The following PTPRD variants were observed in gnomAD, a reference collection of about 807,000 sequenced individuals.
PTPRD encodes the protein protein tyrosine phosphatase receptor type D, also known as receptor-type tyrosine-protein phosphatase delta.
A neutral mutation model predicts 214.5 loss-of-function variants in PTPRD; 34 were observed. The ratio of observed to expected loss-of-function variants is 0.16; its 90% CI spans 0.12 to 0.21. The LOEUF (loss-of-function observed/expected upper bound fraction) is 0.21, where lower values mean the gene tolerates loss of function less well. Among genes scored for constraint, PTPRD ranks in the 10% least tolerant of loss-of-function variants. The pLI, the probability that PTPRD is intolerant of heterozygous loss-of-function variation, is 1.00. For synonymous variants in PTPRD, 1,128 were observed against 845.7 expected, an observed-to-expected ratio of 1.33 and a Z score of -5.79; for missense variants, 2,545 against 2,398.7, an observed-to-expected ratio of 1.06 and a Z score of -1.27.
chr9:8,555,870 G>T (rs547391474), intron 14 of PTPRD, among the ~76,000 whole-genome samples: 2 of 152,292 alleles, frequency 1.3e-5, no homozygotes, highest in South Asian at 2.1e-4. Context: ...CTGGACCACG[G>T]GTCAAGGTCC....
At chr9:9,928,450 G>C (rs749398484) in intron 5 of PTPRD, among the ~76,000 whole-genome samples, 10 of 152,102 alleles carry the variant, frequency 6.6e-5, no homozygotes, top group Non-Finnish European at 8.8e-5. Context: ...ATGCTGATTT[G>C]ATGGGCAGGC....
intron 7 of PTPRD, among the ~76,000 whole-genome samples, chr9:9,624,713 C>T (rs778365540): frequency 2.6e-5 from 4 of 151,776 alleles, no homozygotes; most frequent in Admixed American, 6.6e-5. Context: ...TCAGTGGGAT[C>T]GATTTAATAT....
At position 9,546,354 on chromosome 9, in the gene PTPRD, CTT is replaced by C. The variant is rs1368519186; in HGVS notation, c.-237+28376_-237+28377del. On this transcript the variant is annotated intron_variant, in intron 8 of 45. Coordinates refer to ENST00000381196, the MANE Select transcript of PTPRD (RefSeq NM_002839.4). ...TCTTGTCTTATTGCATAAGCTAGAA[CTT>C]ATGCAATTTTTATAGCAAAATTAAA... Among the ~76,000 whole-genome samples the C allele has an allele frequency of 2.0e-5, 3 of 151,636 alleles. No individual in the cohort carries two copies. The East Asian group carries it at 5.8e-4, about 29-fold the overall frequency.
intron 10 of PTPRD, among the ~76,000 whole-genome samples, chr9:9,156,964 C>CA (rs2099881741): frequency 6.6e-6 from 1 of 152,210 alleles, no homozygotes; most frequent in African/African-American, 2.4e-5. Flanking sequence ...TCCACACTCT[C>CA]ATTCTCTGCT....
intron 11 of PTPRD, among the ~76,000 whole-genome samples, chr9:8,753,246 A>G (rs895283348): frequency 6.6e-6 from 1 of 152,224 alleles, no homozygotes; most frequent in Non-Finnish European, 1.5e-5. Flanking sequence ...GTCCTTAACC[A>G]CTGGCTAAAA....
Position 10,158,624 on chromosome 9 carries a change from G to A in PTPRD, c.-544-124834C>T, listed in dbSNP as rs529508895. Among the ~76,000 whole-genome samples the A allele has an allele frequency of 5.2e-4, 79 of 152,192 alleles. No homozygotes were observed. In the South Asian group the frequency reaches 0.016, roughly 32 times the overall value. On this transcript the variant is annotated intron_variant, in intron 3 of 45. Transcript: ENST00000381196. ...AAAACCAGGGAGGAAACAGTTCCCT[G>A]GGCTGCAGATAAATAGAAGCATTCT...
chr9:10,170,704 A>C (rs761767036), intron 3 of PTPRD, among the ~76,000 whole-genome samples: 19 of 152,282 alleles, frequency 1.2e-4, no homozygotes, highest in African/African-American at 3.4e-4. Flanking sequence ...ACAAAAAGGA[A>C]TCATTTTCTA....
intron 36 of PTPRD, among the ~76,000 whole-genome samples, chr9:8,393,682 T>C (rs974105865): frequency 2.0e-5 from 3 of 152,110 alleles, no homozygotes; most frequent in Admixed American, 2.0e-4. Context: ...TTCTCATGCA[T>C]TGTTTCATGT....
chr9:8,673,859 G>A (rs933803985), intron 12 of PTPRD, among the ~76,000 whole-genome samples: 3 of 152,048 alleles, frequency 2.0e-5, no homozygotes, highest in Non-Finnish European at 2.9e-5. Flanking sequence ...TGACATTGGG[G>A]CTGTCCTGTG....
At chr9:9,686,599 T>C (rs1454325160) in intron 7 of PTPRD, among the ~76,000 whole-genome samples, 1 of 151,688 alleles carries the variant, frequency 6.6e-6, no homozygotes, top group Non-Finnish European at 1.5e-5. Flanking sequence ...AGAGACTTTT[T>C]ACATTTCTAC....
At chr9:10,222,374 A>C (rs1246773756) in intron 3 of PTPRD, among the ~76,000 whole-genome samples, 1 of 152,088 alleles carries the variant, frequency 6.6e-6, no homozygotes, top group Non-Finnish European at 1.5e-5. Flanking sequence ...CACTGTTTCT[A>C]AAACAAAAAC....
intron 8 of PTPRD, among the ~76,000 whole-genome samples, chr9:9,543,638 A>C (rs2078104597): frequency 6.6e-6 from 1 of 151,546 alleles, no homozygotes; most frequent in African/African-American, 2.4e-5. Context: ...CTCAGAGCCC[A>C]TTTTATGTCA....
At chr9:10,281,778 G>A (rs538751904) in intron 3 of PTPRD, among the ~76,000 whole-genome samples, 14 of 152,168 alleles carry the variant, frequency 9.2e-5, no homozygotes, top group South Asian at 2.1e-4. Flanking sequence ...TGTTTAACAC[G>A]TACTGAAGGT....
chr9:8,948,655 T>A (rs2099085561), intron 11 of PTPRD, among the ~76,000 whole-genome samples: 1 of 139,030 alleles, frequency 7.2e-6, no homozygotes, highest in Non-Finnish European at 1.5e-5. Context: ...CTTTATAGAA[T>A]ACCTCCGTAG....
chr9:9,308,768 T>C (rs1247148541), intron 9 of PTPRD, among the ~76,000 whole-genome samples: 1 of 152,208 alleles, frequency 6.6e-6, no homozygotes, highest in Non-Finnish European at 1.5e-5. Context: ...TAAAACATAA[T>C]GTATTCTACA....
intron 2 of PTPRD, among the ~76,000 whole-genome samples, chr9:10,540,974 C>T (rs1313438308): frequency 6.6e-6 from 1 of 152,114 alleles, no homozygotes; most frequent in Non-Finnish European, 1.5e-5. Context: ...GGCTTTAGCT[C>T]CTGCAATTAC....
At chr9:8,348,451 G>A (rs905827180) in intron 39 of PTPRD, among the ~76,000 whole-genome samples, 1 of 152,000 alleles carries the variant, frequency 6.6e-6, no homozygotes, top group African/African-American at 2.4e-5. Flanking sequence ...GGATTACTGG[G>A]CTCCAATATT....
chr9:8,548,552 G>C (rs1447745798), intron 14 of PTPRD, among the ~76,000 whole-genome samples: 1 of 151,838 alleles, frequency 6.6e-6, no homozygotes, highest in African/African-American at 2.4e-5. Context: ...ATTTTTAGTA[G>C]AGATGGGGTT....
chr9:9,342,011 A>G (rs1002208118), intron 9 of PTPRD, among the ~76,000 whole-genome samples: 8 of 151,960 alleles, frequency 5.3e-5, no homozygotes, highest in African/African-American at 1.7e-4. Context: ...ATTTTGCCAT[A>G]TTGGTCAGGA....
Sources: gnomAD v4.1 joint callset for allele counts (sites outside exome capture counted in the v4.1 genomes callset) on GRCh38, gnomAD v4.1.1 for gene constraint, MANE v1.5 for transcripts, NCBI Gene and HGNC (gene_info 2026-07-23, HGNC 2026-07-21) for gene names.